RIMBP2: variants seen among roughly 807,000 people sequenced by gnomAD.
RIMBP2 encodes RIMS-binding protein 2.
Under a neutral mutation model 118.6 loss-of-function variants are expected in RIMBP2, and 48 were observed. That is an observed-to-expected ratio of 0.40 (90% CI 0.32 to 0.51). The LOEUF is 0.51. Among genes scored for constraint, RIMBP2 ranks in the 20% least tolerant of loss-of-function variants. The probability of loss-of-function intolerance (pLI) is 0.41; values close to 1 mark genes in which losing one functional copy is unlikely to be tolerated. For synonymous variants in RIMBP2, 762 were observed against 742.9 expected (o/e 1.03, Z -0.42); for missense variants, 1,551 against 1,768.3 (o/e 0.88, Z 2.20).
At chr12:130,465,688 CTG>C (rs2080401776) in intron 6 of RIMBP2, 1 of 152,178 alleles carries the variant, frequency 6.6e-6, no homozygotes, top group Non-Finnish European at 1.5e-5. Context: ...TTAAATATGA[CTG>C]TATTTCTCAA....
In RIMBP2 at chr12:130,710,709, C is replaced by A. The variant is rs1432232353; in HGVS notation, c.-352+5513G>T. On this transcript the variant is annotated intron_variant, in intron 1 of 22. Coordinates refer to ENST00000690449, the MANE Select transcript of RIMBP2 (RefSeq NM_001393629.1). This position sits in a 1 kb window ranked among gnomAD's most constrained non-coding sequence, Gnocchi z 4.3. ...CCACACAGCTAGGCCAAGGAGAGAG[C>A]CCCCCTCATCTCCCACACTGGGTCT... 6.6e-6 allele frequency among the ~76,000 whole-genome samples: 1 copy of A among 152,188 alleles called. No individual in the cohort carries two copies. The highest frequency in any genetic ancestry group is 1.5e-5 in the Non-Finnish European group (1 of 68,018).
intron 1 of RIMBP2, among the ~76,000 whole-genome samples, chr12:130,694,254 C>G (rs1193001141): frequency 6.6e-6 from 1 of 152,172 alleles, no homozygotes; most frequent in Non-Finnish European, 1.5e-5. Flanking sequence ...TGCCCTCAAC[C>G]AGGGGAACGA....
intron 1 of RIMBP2, among the ~76,000 whole-genome samples, chr12:130,629,754 A>T: frequency 6.6e-6 from 1 of 152,234 alleles, no homozygotes. Context: ...CATGTTTGAC[A>T]TGAGGAGATT....
At chr12:130,482,510 A>G (rs780798818) in intron 4 of RIMBP2, among the ~76,000 whole-genome samples, 31 of 152,190 alleles carry the variant, frequency 2.0e-4, no homozygotes, top group Admixed American at 4.6e-4. Context: ...GCCATTTCCT[A>G]CATCCTAACA....
At chr12:130,438,288 C>G in intron 12 of RIMBP2, 77 bp downstream of exon 12, 2 of 1,530,764 alleles carry the variant, frequency 1.3e-6, no homozygotes, top group Non-Finnish European at 1.8e-6. Context: ...CTGCCTCCTC[C>G]ACTGAGCAAA....
At chr12:130,473,217 A>C in intron 5 of RIMBP2, among the ~76,000 whole-genome samples, 1 of 152,354 alleles carries the variant, frequency 6.6e-6, no homozygotes, top group South Asian at 2.1e-4. Context: ...TGAAATTGGC[A>C]GCGCTGAATT....
chr12:130,530,717 A>G (rs1348163685), intron 2 of RIMBP2, among the ~76,000 whole-genome samples: 1 of 152,172 alleles, frequency 6.6e-6, no homozygotes, highest in Non-Finnish European at 1.5e-5. Flanking sequence ...TTAAAAAATC[A>G]CTTGCTTTTT....
intron 1 of RIMBP2, among the ~76,000 whole-genome samples, chr12:130,709,080 G>C (rs1253147945): frequency 6.6e-6 from 1 of 152,278 alleles, no homozygotes; most frequent in Non-Finnish European, 1.5e-5. Context: ...CAACGTGCCG[G>C]CAACAGCAGT....
chr12:130,478,711 G>A (rs1446661969), intron 5 of RIMBP2, among the ~76,000 whole-genome samples: 6 of 152,304 alleles, frequency 3.9e-5, no homozygotes, highest in South Asian at 2.1e-4. Flanking sequence ...CTGCTTTCGC[G>A]TTATAAAACA....
chr12:130,599,983 A>G (rs1245975432), intron 2 of RIMBP2, among the ~76,000 whole-genome samples: 2 of 152,106 alleles, frequency 1.3e-5, no homozygotes, highest in African/African-American at 2.4e-5. Flanking sequence ...CTTATCAGAA[A>G]CTGAAAAGAA....
At chr12:130,518,269 C>T (rs560915792) in intron 2 of RIMBP2, among the ~76,000 whole-genome samples, 2 of 152,198 alleles carry the variant, frequency 1.3e-5, no homozygotes, top group East Asian at 3.8e-4. Flanking sequence ...TCCAAACATA[C>T]AGCCACAATA....
In RIMBP2 at chr12:130,447,624, CAGCAG is replaced by C; in HGVS notation, c.582-2360_582-2356del. Among the ~76,000 whole-genome samples the C allele has an allele frequency of 2.0e-5, 3 of 152,166 alleles. No homozygotes were observed. Among genetic ancestry groups the C allele is most frequent in the Admixed American group, 6.5e-5 (1 of 15,290 alleles). Reference sequence around the variant, plus strand: ...CATGTGGCCGTGGCATCTGTGAGCACAGCAGTGGCCCTGGGCGGCACACTGCAAGT... The same window carrying C: ...CATGTGGCCGTGGCATCTGTGAGCACTGGCCCTGGGCGGCACACTGCAAGT... On this transcript the variant is annotated intron_variant, in intron 9 of 22. Transcript: ENST00000690449. This position sits in a 1 kb window ranked among gnomAD's most constrained non-coding sequence, Gnocchi z 4.4.
chr12:130,518,326 A>G (rs1159579988), intron 2 of RIMBP2, among the ~76,000 whole-genome samples: 3 of 152,242 alleles, frequency 2.0e-5, no homozygotes, highest in African/African-American at 7.2e-5. Flanking sequence ...CTCAAAAATA[A>G]GATAAAGCAT....
At chr12:130,546,229 G>T (rs890403869) in intron 2 of RIMBP2, among the ~76,000 whole-genome samples, 1 of 149,638 alleles carries the variant, frequency 6.7e-6, no homozygotes, top group African/African-American at 2.5e-5. Context: ...TCAGCCACCC[G>T]AGTAGCTGGG....
rs1459110870 is a variant in RIMBP2 at position 130,688,384 on chromosome 12, G to A, written c.-352+27838C>T. 6.6e-6 allele frequency among the ~76,000 whole-genome samples: 1 copy of A among 152,154 alleles called. No homozygotes were observed. The highest frequency in any genetic ancestry group is 2.4e-5 in the African/African-American group (1 of 41,432). On this transcript the variant is annotated intron_variant, in intron 1 of 22. Transcript: ENST00000690449. The surrounding 1 kb of genome is among the most constrained non-coding windows in gnomAD (Gnocchi z 4.7). ...CACAGGAACACTCTAGAACACTCTGGAACACTCTGGGGCCATTGGATAACA... is the reference window on the plus strand; with the variant it reads ...CACAGGAACACTCTAGAACACTCTGAAACACTCTGGGGCCATTGGATAACA...
At chr12:130,678,892 G>T (rs1438400042) in intron 1 of RIMBP2, among the ~76,000 whole-genome samples, 1 of 152,206 alleles carries the variant, frequency 6.6e-6, no homozygotes, top group Non-Finnish European at 1.5e-5. Flanking sequence ...CCCATAGTCA[G>T]CGGGGGCTTG....
rs531409147 is a variant in RIMBP2, at chr12:130,404,131, C to T, written c.3765+2041G>A. 5.3e-5 allele frequency among the ~76,000 whole-genome samples: 8 copies of T among 152,152 alleles called. No individual in the cohort carries two copies. The South Asian group carries it at 1.2e-3, about 24-fold the overall frequency. On this transcript the variant is annotated intron_variant, in intron 21 of 22. Coordinates refer to ENST00000690449, the MANE Select transcript of RIMBP2 (RefSeq NM_001393629.1). The stretch of plus-strand genomic sequence containing the variant: ...GAAGAGGAGGCAAAATAATGACAAT[C>T]TGTGGGAACCCAAGGGAATCGGTTG...
chr12:130,556,855 G>A (rs2056406970), intron 2 of RIMBP2, among the ~76,000 whole-genome samples: 1 of 152,174 alleles, frequency 6.6e-6, no homozygotes, highest in South Asian at 2.1e-4. Flanking sequence ...AGAGCACCGG[G>A]CCAGTGAGCA....
At chr12:130,708,654 C>G (rs937258242) in intron 1 of RIMBP2, among the ~76,000 whole-genome samples, 1 of 152,186 alleles carries the variant, frequency 6.6e-6, no homozygotes, top group African/African-American at 2.4e-5. Flanking sequence ...CCACTGCACT[C>G]CAGCCTGGGC....
Sources: gnomAD v4.1 joint callset for allele counts (sites outside exome capture counted in the v4.1 genomes callset) on GRCh38, gnomAD v4.1.1 for gene constraint, Gnocchi (gnomAD v3.1) non-coding constraint, MANE v1.5 for transcripts, NCBI Gene and HGNC (gene_info 2026-07-23, HGNC 2026-07-21) for gene names.